The following DLEU7 variants were observed in gnomAD, a reference collection of about 807,000 sequenced individuals.
DLEU7 encodes leukemia-associated protein 7.
Under a neutral mutation model 16.0 loss-of-function variants are expected in DLEU7, and 17 were observed. The ratio of observed to expected loss-of-function variants is 1.06; its 90% CI spans 0.73 to 1.59. The LOEUF (loss-of-function observed/expected upper bound fraction) is 1.59. DLEU7 is among the 40% of genes most tolerant of loss of function. DLEU7 has a pLI of 0.00. For missense variants in DLEU7, 308 were observed against 314.9 expected (o/e 0.98, Z 0.17); for synonymous variants, 113 against 139.8 (o/e 0.81, Z 1.35).
intron 1 of DLEU7, among the ~76,000 whole-genome samples, chr13:50,801,195 C>T (rs190734419): frequency 1.3e-5 from 2 of 152,124 alleles, no homozygotes; most frequent in East Asian, 1.9e-4. Context: ...ATCTTGGATC[C>T]CAGTACCTCT....
At chr13:50,796,090 T>A (rs1368423499) in intron 1 of DLEU7, among the ~76,000 whole-genome samples, 5 of 151,954 alleles carry the variant, frequency 3.3e-5, no homozygotes, top group Non-Finnish European at 1.5e-5. Flanking sequence ...CCCCCTTATC[T>A]GAGGGAGCTA....
exon 2 of DLEU7, chr13:50,712,273 G>A (rs1873313919): frequency 6.6e-6 from 1 of 152,136 alleles, no homozygotes; most frequent in Non-Finnish European, 1.5e-5. Context: ...ACCCTGATGA[G>A]AGCTCAAAGT....
intron 1 of DLEU7, among the ~76,000 whole-genome samples, chr13:50,772,385 T>C (rs1347182701): frequency 2.0e-5 from 3 of 152,200 alleles, no homozygotes; most frequent in African/African-American, 4.8e-5. Flanking sequence ...ATTTGGCATG[T>C]TTTTGCAGTG....
intron 1 of DLEU7, among the ~76,000 whole-genome samples, chr13:50,840,813 A>G (rs1033444166): frequency 6.6e-6 from 1 of 152,186 alleles, no homozygotes; most frequent in Non-Finnish European, 1.5e-5. Flanking sequence ...TGAATTTTAG[A>G]AACAAAAATG....
intron 1 of DLEU7, among the ~76,000 whole-genome samples, chr13:50,723,838 A>T (rs1180295010): frequency 2.0e-5 from 3 of 151,784 alleles, no homozygotes; most frequent in Non-Finnish European, 2.9e-5. Flanking sequence ...AAAATAATAA[A>T]AAAAATATAT....
intron 1 of DLEU7, among the ~76,000 whole-genome samples, chr13:50,791,588 C>G (rs1427520782): frequency 6.6e-6 from 1 of 152,102 alleles, no homozygotes; most frequent in East Asian, 1.9e-4. Context: ...TCTCCCCTCA[C>G]CTCTCCACCA....
intron 1 of DLEU7, among the ~76,000 whole-genome samples, chr13:50,779,046 G>A (rs1214746870): frequency 2.0e-5 from 3 of 152,168 alleles, no homozygotes; most frequent in Non-Finnish European, 4.4e-5. Context: ...AAGGACAGGT[G>A]CTTAGTCCAG....
At chr13:50,837,678 A>G (rs1191252569) in intron 1 of DLEU7, among the ~76,000 whole-genome samples, 9 of 152,198 alleles carry the variant, frequency 5.9e-5, no homozygotes, top group Non-Finnish European at 1.3e-4. Flanking sequence ...CAAATCTCAA[A>G]TTTGCAGAAG....
chr13:50,768,477 T>C (rs540012936), intron 1 of DLEU7, among the ~76,000 whole-genome samples: 1 of 139,770 alleles, frequency 7.2e-6, no homozygotes, highest in South Asian at 2.6e-4. Flanking sequence ...ATGTTCCCCT[T>C]CCTGTGTCCA....
chr13:50,732,351 CTGTAATCCCAGCACTT>C (rs1360104205), intron 1 of DLEU7, among the ~76,000 whole-genome samples: 1 of 152,050 alleles, frequency 6.6e-6, no homozygotes, highest in Non-Finnish European at 1.5e-5. Context: ...TGGCTCACGC[CTGTAATCCCAGCACTT>C]TGGGAGGCTG....
At chr13:50,720,683 AAC>A (rs756325633) in intron 1 of DLEU7, among the ~76,000 whole-genome samples, 2 of 152,202 alleles carry the variant, frequency 1.3e-5, no homozygotes, top group African/African-American at 2.4e-5. Context: ...CTTATTTCTT[AAC>A]AGAGAGGAAT....
intron 1 of DLEU7, among the ~76,000 whole-genome samples, chr13:50,764,352 A>C (rs1289258035): frequency 6.6e-6 from 1 of 152,202 alleles, no homozygotes; most frequent in Non-Finnish European, 1.5e-5. Flanking sequence ...CTGAAAAATA[A>C]TATAGTTCCA....
chr13:50,787,652 T>A (rs1875824003), intron 1 of DLEU7, among the ~76,000 whole-genome samples: 1 of 152,020 alleles, frequency 6.6e-6, no homozygotes, highest in Non-Finnish European at 1.5e-5. Flanking sequence ...CCATTCATTC[T>A]CCACTGGTCA....
intron 1 of DLEU7, among the ~76,000 whole-genome samples, chr13:50,771,595 G>A (rs1000216601): frequency 5.3e-5 from 8 of 152,204 alleles, no homozygotes; most frequent in African/African-American, 1.9e-4. Context: ...TCTTAATCCT[G>A]AGTTCTAGTT....
intron 1 of DLEU7, among the ~76,000 whole-genome samples, chr13:50,758,989 A>T (rs1348150315): frequency 6.6e-6 from 1 of 152,206 alleles, no homozygotes; most frequent in Non-Finnish European, 1.5e-5. Flanking sequence ...AAATATTTTA[A>T]TGTGTAATCC....
intron 1 of DLEU7, among the ~76,000 whole-genome samples, chr13:50,806,459 G>A (rs1876393257): frequency 7.1e-6 from 1 of 141,836 alleles, no homozygotes; most frequent in Non-Finnish European, 1.5e-5. Context: ...TGATTATTTA[G>A]TTCTCAATGA....
chr13:50,725,159 C>T (rs1420936267), intron 1 of DLEU7, among the ~76,000 whole-genome samples: 1 of 152,236 alleles, frequency 6.6e-6, no homozygotes, highest in East Asian at 1.9e-4. Context: ...CTTGCCTCCA[C>T]TGGCCACAAG....
chr13:50,753,776 G>A (rs1874665673), intron 1 of DLEU7, among the ~76,000 whole-genome samples: 1 of 152,248 alleles, frequency 6.6e-6, no homozygotes. Flanking sequence ...TAGGCTGAAA[G>A]GCTCCTCAAG....
chr13:50,728,643 T>C (rs1169315978), intron 1 of DLEU7, among the ~76,000 whole-genome samples: 5 of 151,942 alleles, frequency 3.3e-5, no homozygotes, highest in Non-Finnish European at 7.4e-5. Context: ...CCACCAAGAG[T>C]TGACTTCATC....
Sources: allele counts gnomAD v4.1 joint callset (sites outside exome capture counted in the v4.1 genomes callset), GRCh38; gene constraint gnomAD v4.1.1; transcripts MANE v1.5; gene names NCBI Gene and HGNC (gene_info 2026-07-23, HGNC 2026-07-21).